Variants in UNC5D observed in about 807,000 individuals in gnomAD.
UNC5D encodes the protein unc-5 netrin receptor D, also known as netrin receptor UNC5D.
In UNC5D, 39 loss-of-function variants were observed where a neutral mutation model predicts 105.4. That is an observed-to-expected ratio of 0.37 (90% CI 0.29 to 0.48). UNC5D has a LOEUF of 0.48. Among genes scored for constraint, UNC5D ranks in the 20% least tolerant of loss-of-function variants. The pLI, the probability that UNC5D is intolerant of heterozygous loss-of-function variation, is 0.98. For missense variants in UNC5D, 991 were observed against 1,202.4 expected, an observed-to-expected ratio of 0.82 and a Z score of 2.60; for synonymous variants, 452 against 450.4, an observed-to-expected ratio of 1.00 and a Z score of -0.04.
intron 1 of UNC5D, among the ~76,000 whole-genome samples, chr8:35,442,429 G>T (rs1006732386): frequency 1.4e-4 from 21 of 151,688 alleles, no homozygotes; most frequent in African/African-American, 5.1e-4. Flanking sequence ...TTACTCTAGA[G>T]GCATGAGGTA....
chr8:35,465,023 C>T (rs1809196375), intron 1 of UNC5D, among the ~76,000 whole-genome samples: 1 of 152,140 alleles, frequency 6.6e-6, no homozygotes, highest in South Asian at 2.1e-4. Context: ...CTTGGTTTCC[C>T]ACCTTGGGTA....
At chr8:35,513,024 A>G (rs906902946) in intron 1 of UNC5D, among the ~76,000 whole-genome samples, 1 of 150,024 alleles carries the variant, frequency 6.7e-6, no homozygotes, top group African/African-American at 2.5e-5. Flanking sequence ...GTAGCTTCCT[A>G]CCTGCCCTCT....
chr8:35,576,727 C>G (rs1357559688), intron 3 of UNC5D, among the ~76,000 whole-genome samples: 1 of 152,154 alleles, frequency 6.6e-6, no homozygotes, highest in Non-Finnish European at 1.5e-5. Context: ...ATTCTCCTGC[C>G]TCAGCCTCCT....
At chr8:35,465,692 A>G (rs541827933) in intron 1 of UNC5D, among the ~76,000 whole-genome samples, 4 of 152,200 alleles carry the variant, frequency 2.6e-5, no homozygotes, top group Non-Finnish European at 5.9e-5. Flanking sequence ...AGATATCCTA[A>G]TCCCTGAAAC....
At chr8:35,580,366 A>G (rs1818398932) in intron 3 of UNC5D, among the ~76,000 whole-genome samples, 1 of 152,110 alleles carries the variant, frequency 6.6e-6, no homozygotes. Flanking sequence ...GCAGGCTGTT[A>G]TGAGAACTAG....
At chr8:35,374,144 T>C (rs916679955) in intron 1 of UNC5D, among the ~76,000 whole-genome samples, 1 of 152,202 alleles carries the variant, frequency 6.6e-6, no homozygotes, top group Non-Finnish European at 1.5e-5. Flanking sequence ...GTTGGAGAAA[T>C]TAACCACTGT....
Position 35,790,820 on chromosome 8 carries a change from G to A in UNC5D, c.*257G>A. ...TGGGTTAACTCCTCAGATTTGGAGTGGCAAGGATAAAAGTGAGGGCAGAAG... is the reference window on the plus strand; with the variant it reads ...TGGGTTAACTCCTCAGATTTGGAGTAGCAAGGATAAAAGTGAGGGCAGAAG... On this transcript the variant is annotated 3_prime_UTR_variant, in exon 17 of 17. Transcript: ENST00000404895. 1 of 521,358 alleles carries A rather than the reference G, an allele frequency of 1.9e-6. No homozygotes were observed. The allele number at this position is 521,358 out of a possible 1,614,324, so 32.3% of individuals were successfully genotyped here. A position where few individuals can be genotyped will look rare whatever the true frequency, so the allele number is the denominator to read the frequency against.
rs912275554 is a variant in UNC5D, at chr8:35,335,979, G to A, written c.103+100092G>A. ...GGGGTTTCACCGTGTTAGCCAGGAT[G>A]GTGTCGATCTCCTGACCTCGTGATC... On this transcript the variant is annotated intron_variant, in intron 1 of 16. Transcript: ENST00000404895. Among the ~76,000 whole-genome samples, 9 of 151,996 alleles carry A rather than the reference G, an allele frequency of 5.9e-5. No homozygotes were observed. The South Asian group carries it at 1.9e-3, about 32-fold the overall frequency.
intron 16 of UNC5D, among the ~76,000 whole-genome samples, chr8:35,775,141 G>A (rs1431253025): frequency 1.3e-5 from 2 of 152,110 alleles, no homozygotes; most frequent in African/African-American, 4.8e-5. Context: ...AATTTCTCAC[G>A]TCTCCCCTCT....
intron 1 of UNC5D, among the ~76,000 whole-genome samples, chr8:35,401,524 A>AACGAG (rs1465633731): frequency 6.6e-6 from 1 of 152,156 alleles, no homozygotes; most frequent in East Asian, 1.9e-4. Flanking sequence ...TTGACAGATG[A>AACGAG]ACGAGACAGT....
intron 1 of UNC5D, among the ~76,000 whole-genome samples, chr8:35,401,374 C>T (rs1804451097): frequency 6.6e-6 from 1 of 152,124 alleles, no homozygotes; most frequent in Admixed American, 6.5e-5. Context: ...ATCTCAGCTA[C>T]TCAGGAAAGT....
intron 2 of UNC5D, among the ~76,000 whole-genome samples, chr8:35,564,423 A>G (rs906533992): frequency 6.6e-6 from 1 of 152,110 alleles, no homozygotes; most frequent in African/African-American, 2.4e-5. Context: ...ACCTGTATGC[A>G]TTGATGGATG....
At chr8:35,494,628 C>T (rs573255945) in intron 1 of UNC5D, among the ~76,000 whole-genome samples, 1 of 152,290 alleles carries the variant, frequency 6.6e-6, no homozygotes, top group South Asian at 2.1e-4. Flanking sequence ...TCAAATCATT[C>T]GTATACCCTG....
chr8:35,501,337 G>A (rs535419507), intron 1 of UNC5D, among the ~76,000 whole-genome samples: 4 of 152,210 alleles, frequency 2.6e-5, no homozygotes, highest in Non-Finnish European at 5.9e-5. Flanking sequence ...TGCCCTAGTT[G>A]TAGCTTTTGT....
chr8:35,246,217 C>A (rs555081230), intron 1 of UNC5D, among the ~76,000 whole-genome samples: 1 of 152,060 alleles, frequency 6.6e-6, no homozygotes, highest in Non-Finnish European at 1.5e-5. Context: ...TTTTCTGTAC[C>A]GTTTATTCAC....
intron 1 of UNC5D, among the ~76,000 whole-genome samples, chr8:35,389,547 C>T (rs774152792): frequency 7.9e-5 from 12 of 152,236 alleles, no homozygotes; most frequent in Middle Eastern, 3.4e-3. Flanking sequence ...GATCTCCCCA[C>T]ATCTTTCCCC....
intron 4 of UNC5D, among the ~76,000 whole-genome samples, chr8:35,619,143 A>G (rs1162309386): frequency 1.3e-5 from 2 of 152,240 alleles, no homozygotes; most frequent in Non-Finnish European, 2.9e-5. Flanking sequence ...GTAAATAAGC[A>G]TCTAAAGTAG....
intron 1 of UNC5D, among the ~76,000 whole-genome samples, chr8:35,448,021 C>T (rs1055386604): frequency 2.3e-4 from 35 of 152,044 alleles, no homozygotes; most frequent in African/African-American, 8.2e-4. Context: ...CCAAAACCTC[C>T]CATCCTACCA....
At chr8:35,326,507 C>T (rs1037730493) in intron 1 of UNC5D, among the ~76,000 whole-genome samples, 2 of 152,154 alleles carry the variant, frequency 1.3e-5, no homozygotes, top group South Asian at 2.1e-4. Flanking sequence ...GTCATCGCAG[C>T]GCTTTGGGAG....
Sources: gnomAD v4.1 joint callset for allele counts (sites outside exome capture counted in the v4.1 genomes callset) on GRCh38, gnomAD v4.1.1 for gene constraint, MANE v1.5 for transcripts, NCBI Gene and HGNC (gene_info 2026-07-23, HGNC 2026-07-21) for gene names.